MGAT4C: variants seen among roughly 807,000 people sequenced by gnomAD.
MGAT4C encodes the protein alpha-1,3-mannosyl-glycoprotein 4-beta-N-acetylglucosaminyltransferase C.
A neutral mutation model predicts 40.1 loss-of-function variants in MGAT4C; 19 were observed. That is an observed-to-expected ratio of 0.47 (90% CI 0.33 to 0.70). The LOEUF is 0.70. MGAT4C is among the 30% of genes least tolerant of loss of function. The pLI is 0.02. For synonymous variants in MGAT4C, 181 were observed against 187.1 expected (o/e 0.97, Z 0.27); for missense variants, 491 against 563.2 (o/e 0.87, Z 1.30).
At chr12:86,148,938 GC>G (rs1434950341) in intron 1 of MGAT4C, among the ~76,000 whole-genome samples, 2 of 151,988 alleles carry the variant, frequency 1.3e-5, no homozygotes, top group Non-Finnish European at 1.5e-5. Flanking sequence ...GCACTGCTGT[GC>G]CCCCCTATTC....
At chr12:86,592,282 T>C (rs147462099) in intron 2 of MGAT4C, among the ~76,000 whole-genome samples, 77 of 152,256 alleles carry the variant, frequency 5.1e-4, no homozygotes, top group African/African-American at 1.7e-3. Context: ...ATATTTTGAT[T>C]AGAAGACATG....
chr12:86,390,653 C>A (rs2136227949), intron 3 of MGAT4C, among the ~76,000 whole-genome samples: 1 of 152,128 alleles, frequency 6.6e-6, no homozygotes, highest in Non-Finnish European at 1.5e-5. Context: ...AGTTTCATCC[C>A]AAAATTTGAA....
chr12:86,321,270 G>A (rs556866395), intron 4 of MGAT4C, among the ~76,000 whole-genome samples: 1 of 152,204 alleles, frequency 6.6e-6, no homozygotes, highest in South Asian at 2.1e-4. Flanking sequence ...GACCACTTCA[G>A]TTACATTAGC....
At chr12:86,354,491 A>G (rs1194839959) in intron 3 of MGAT4C, among the ~76,000 whole-genome samples, 2 of 152,214 alleles carry the variant, frequency 1.3e-5, no homozygotes. Context: ...GATGAAGGCA[A>G]AAGCCCTTGA....
intron 1 of MGAT4C, among the ~76,000 whole-genome samples, chr12:86,803,318 G>C (rs1254886414): frequency 4.6e-5 from 7 of 151,362 alleles, no homozygotes; most frequent in African/African-American, 2.4e-5. Flanking sequence ...AACCCTAGAA[G>C]AAAACCTAGG....
intron 2 of MGAT4C, among the ~76,000 whole-genome samples, chr12:86,608,503 A>G (rs1962125698): frequency 6.6e-6 from 1 of 152,090 alleles, no homozygotes; most frequent in Non-Finnish European, 1.5e-5. Context: ...GCTTGAGCCC[A>G]GGAGTTTATG....
chr12:86,550,127 C>T (rs1303826856), intron 2 of MGAT4C, among the ~76,000 whole-genome samples: 3 of 152,138 alleles, frequency 2.0e-5, no homozygotes, highest in Non-Finnish European at 4.4e-5. Context: ...CCCTCTCTTT[C>T]CTGCTGCCTC....
intron 1 of MGAT4C, among the ~76,000 whole-genome samples, chr12:86,153,213 C>T (rs573882469): frequency 2.6e-5 from 4 of 152,290 alleles, no homozygotes; most frequent in Admixed American, 6.5e-5. Flanking sequence ...TACATGGCCT[C>T]TAATTCTCCT....
At chr12:86,796,114 G>T (rs1490804329) in intron 1 of MGAT4C, among the ~76,000 whole-genome samples, 1 of 150,674 alleles carries the variant, frequency 6.6e-6, no homozygotes, top group African/African-American at 2.4e-5. Flanking sequence ...ACCTGAACTT[G>T]ACCTAACCTT....
chr12:86,084,829 G>A (rs146877135), intron 1 of MGAT4C, among the ~76,000 whole-genome samples: 1 of 151,908 alleles, frequency 6.6e-6, no homozygotes. Context: ...GCTGGATTTT[G>A]TTTGGAATGA....
Position 85,956,616 on chromosome 12 carries a change from G to GA in MGAT4C, c.*22672dup, listed in dbSNP as rs1390109054. On this transcript the variant is annotated 3_prime_UTR_variant, in exon 5 of 5. Coordinates refer to ENST00000611864, the MANE Select transcript of MGAT4C (RefSeq NM_001351288.2). ...ACAGCATTACTTGGTATGGTGTAGA[G>GA]AAAACAAAAATGTCATAACAATTTC... is the stretch of plus-strand genomic sequence containing the variant. 2 of 152,018 alleles carry GA rather than the reference G, an allele frequency of 1.3e-5. No homozygotes were observed. The highest frequency in any genetic ancestry group is 2.9e-5 in the Non-Finnish European group (2 of 67,976). 9.4% of individuals were successfully genotyped at this position (152,018 alleles called of 1,614,324 possible). A position where few individuals can be genotyped will look rare whatever the true frequency, so the allele number is the denominator to read the frequency against.
intron 2 of MGAT4C, among the ~76,000 whole-genome samples, chr12:86,630,508 A>G (rs1468861395): frequency 6.6e-6 from 1 of 152,192 alleles, no homozygotes; most frequent in African/African-American, 2.4e-5. Flanking sequence ...CCTCAATAAA[A>G]TACTCGCAAA....
chr12:86,339,133 A>T (rs1412818994), intron 3 of MGAT4C, among the ~76,000 whole-genome samples: 1 of 152,100 alleles, frequency 6.6e-6, no homozygotes, highest in Non-Finnish European at 1.5e-5. Flanking sequence ...CCTATTGTAC[A>T]GATGAAAAAA....
At chr12:86,499,192 C>T (rs935824268) in intron 2 of MGAT4C, among the ~76,000 whole-genome samples, 7 of 151,502 alleles carry the variant, frequency 4.6e-5, no homozygotes, top group African/African-American at 1.7e-4. Context: ...AGTTGTGTTA[C>T]GGTGGGGTTA....
chr12:86,423,519 GTGTT>G (rs1480327698), intron 3 of MGAT4C, among the ~76,000 whole-genome samples: 3 of 151,998 alleles, frequency 2.0e-5, no homozygotes, highest in Non-Finnish European at 2.9e-5. Flanking sequence ...CTTCTATTGA[GTGTT>G]TGTGTGCAAA....
intron 1 of MGAT4C, among the ~76,000 whole-genome samples, chr12:86,066,583 T>C (rs765413598): frequency 6.6e-6 from 1 of 152,120 alleles, no homozygotes; most frequent in Non-Finnish European, 1.5e-5. Flanking sequence ...AATACGTATA[T>C]GTATGACCTA....
At chr12:86,588,472 C>G (rs1479189763) in intron 2 of MGAT4C, among the ~76,000 whole-genome samples, 6 of 151,992 alleles carry the variant, frequency 3.9e-5, no homozygotes, top group Admixed American at 3.9e-4. Context: ...TAACACCCCA[C>G]TGTCAACATT....
intron 2 of MGAT4C, among the ~76,000 whole-genome samples, chr12:86,610,315 GAT>G (rs1962203619): frequency 6.6e-6 from 1 of 152,140 alleles, no homozygotes; most frequent in Non-Finnish European, 1.5e-5. Flanking sequence ...TGCTCAGGAG[GAT>G]ATATAACCCT....
intron 1 of MGAT4C, among the ~76,000 whole-genome samples, chr12:86,084,510 A>ATAT (rs1871382285): frequency 6.6e-6 from 1 of 151,940 alleles, no homozygotes. Context: ...TTTGCCATGT[A>ATAT]TATTATGTGG....
Sources: gnomAD v4.1 joint callset for allele counts (sites outside exome capture counted in the v4.1 genomes callset) on GRCh38, gnomAD v4.1.1 for gene constraint, MANE v1.5 for transcripts, NCBI Gene and HGNC (gene_info 2026-07-23, HGNC 2026-07-21) for gene names.